RETREG2: variants seen among roughly 807,000 people sequenced by gnomAD.
The protein encoded by RETREG2 is reticulophagy regulator family member 2.
In RETREG2, 21 loss-of-function variants were observed where a neutral mutation model predicts 51.6. That is an observed-to-expected ratio of 0.41 (90% CI 0.29 to 0.59). RETREG2 has a LOEUF of 0.59. Ranked by LOEUF, RETREG2 falls within the 20% of genes least tolerant of loss-of-function variation. RETREG2 has a pLI of 0.34. For synonymous variants in RETREG2, 339 were observed against 288.6 expected (o/e 1.17, Z -1.77); for missense variants, 674 against 646.0 (o/e 1.04, Z -0.47).
At chr2:219,179,640 G>A (rs894443476) in intron 2 of RETREG2, 93 bp from the exon 3 acceptor site, 12 of 1,233,840 alleles carry the variant, frequency 9.7e-6, no homozygotes, top group African/African-American at 1.5e-5. Context: ...AAGGTGCTCT[G>A]GGGCTGCAGA....
intron 2 of RETREG2, 27 bp downstream of exon 2, chr2:219,179,055 C>A (rs770772129): frequency 1.3e-6 from 2 of 1,529,736 alleles, no homozygotes; most frequent in Admixed American, 1.7e-5. Context: ...TCAGTAAGCA[C>A]CCATTGGGTA....
rs1179772791 is a variant in RETREG2, at chr2:219,184,230, G to A, written c.*1601G>A. The A allele has an allele frequency of 2.0e-5, 3 of 152,178 alleles. No individual in the cohort carries two copies. Among genetic ancestry groups the A allele is most frequent in the Non-Finnish European group, 4.4e-5 (3 of 68,044 alleles). 9.4% of individuals were successfully genotyped at this position (152,178 alleles called of 1,614,324 possible). ...GGGAACTATAGAGAACCAATCTGAT[G>A]CCTTGGCTTAACAAAGAGTGGACAT... On this transcript the variant is annotated 3_prime_UTR_variant, in exon 9 of 9. Transcript: ENST00000430297.
Position 219,182,565 on chromosome 2 carries a change from TG to T in RETREG2, c.1572del (p.Asp526ThrfsTer35). 6.2e-7 allele frequency: 1 copy of T among 1,614,158 alleles called. No homozygotes were observed. Among genetic ancestry groups the T allele is most frequent in the South Asian group, 1.1e-5 (1 of 91,082 alleles). On this transcript the variant is annotated frameshift_variant, in exon 9 of 9. Coordinates refer to ENST00000430297, the MANE Select transcript of RETREG2 (RefSeq NM_024293.6). LOFTEE classifies it high-confidence loss of function. ...TPPKPPDAPP[L>X]GPDIHSLVQS... ...CCAAAACCCCCTGATGCTCCACCCC[TG>T]GGGCCCGACATCCATTCTCTGGTAC...
In RETREG2 at chr2:219,181,733, G is replaced by A. The variant is rs1308734159; in HGVS notation, c.973G>A (p.Val325Ile). The A allele has an allele frequency of 1.2e-5, 20 of 1,613,854 alleles. No homozygotes were observed. Among genetic ancestry groups the A allele is most frequent in the African/African-American group, 2.7e-5 (2 of 74,884 alleles). Residue 325 changes from valine to isoleucine, a missense_variant, in exon 8 of 9, where the codon GTA (valine) becomes ATA (isoleucine). Transcript: ENST00000430297. The part of the protein sequence containing the change: ...ASILESGGFS[V>I]SRATTPQLTD... ...TATCTTGGAGAGTGGTGGCTTCTCC[G>A]TATCCCGGGCCACAACTCCGCAGCT...
chr2:219,181,605 C>G (rs769241281), intron 7 of RETREG2, 35 bp from the exon 8 acceptor site: 2 of 1,611,106 alleles, frequency 1.2e-6, no homozygotes, highest in South Asian at 1.1e-5. Context: ...CTCTTATCCC[C>G]TCACATGTCG....
chr2:219,181,456 C>T lies in RETREG2; in HGVS notation c.872C>T (p.Ser291Phe), dbSNP rs1950277836. 6.2e-7 allele frequency: 1 copy of T among 1,613,896 alleles called. No individual in the cohort carries two copies. The highest frequency in any genetic ancestry group is 1.7e-5 in the Admixed American group (1 of 59,990). ...SESEAELAGF[S>F]PVVDVKKTAL... ...AGCGAGGCAGAGCTGGCTGGCTTCTCCCCAGTGGTGAGGTCCAGGGAAAGC... is the reference window on the plus strand; with the variant it reads ...AGCGAGGCAGAGCTGGCTGGCTTCTTCCCAGTGGTGAGGTCCAGGGAAAGC... The change falls in exon 7 of 9, where the codon TCC becomes TTC. Residue 291 changes from serine to phenylalanine, a missense_variant. By Grantham distance (155) the Ser-to-Phe change is radical. Transcript: ENST00000430297.
chr2:219,180,918 G>A (rs1395011939), intron 5 of RETREG2, 144 bp from the exon 6 acceptor site: 2 of 1,330,984 alleles, frequency 1.5e-6, no homozygotes, highest in East Asian at 2.3e-5. Context: ...TGGGGAGGAG[G>A]GCAGTGGATG....
Position 219,182,245 on chromosome 2 carries a change from G to C in RETREG2, c.1248G>C (p.Gly416=). The C allele has an allele frequency of 6.2e-7, 1 of 1,614,120 alleles. No homozygotes were observed. Among genetic ancestry groups the C allele is most frequent in the Non-Finnish European group, 8.5e-7 (1 of 1,180,020 alleles). The change falls in exon 9 of 9, where the codon GGG becomes GGC. Residue 416 remains glycine, a synonymous_variant. Transcript: ENST00000430297. ...HFVNTHFNGA[G]SPPDGVKCSP... Reference sequence around the variant, plus strand: ...TGAACACGCACTTCAATGGGGCAGGGTCCCCCCCAGATGGAGTGAAATGCT... The same window carrying C: ...TGAACACGCACTTCAATGGGGCAGGCTCCCCCCCAGATGGAGTGAAATGCT...
Position 219,179,772 on chromosome 2 carries a change from A to G in RETREG2, c.419+9A>G. On this transcript the variant is annotated intron_variant, in intron 3 of 8. Coordinates refer to ENST00000430297, the MANE Select transcript of RETREG2 (RefSeq NM_024293.6). ...GAGCCACACTCTGACAGGTGAGTACAGGCCACCTCTTGAAGACAAATGCCC... is the reference window on the plus strand; with the variant it reads ...GAGCCACACTCTGACAGGTGAGTACGGGCCACCTCTTGAAGACAAATGCCC... The G allele has an allele frequency of 1.2e-6, 2 of 1,613,666 alleles. No individual in the cohort carries two copies. The highest frequency in any genetic ancestry group is 1.7e-6 in the Non-Finnish European group (2 of 1,179,586).
rs1232932666 is a variant in RETREG2, at chr2:219,180,170, C to T, written c.480C>T (p.Tyr160=). 2 of 1,614,166 alleles carry T rather than the reference C, an allele frequency of 1.2e-6. No individual in the cohort carries two copies. The highest frequency in any genetic ancestry group is 1.7e-6 in the Non-Finnish European group (2 of 1,180,026). ...HLLSVPELCR[Y]LAESWLTFQI... is the part of the protein sequence containing the mutation. ...TGAGTGTGCCCGAGTTGTGCAGATA[C>T]CTGGCTGAGAGCTGGCTCACCTTCC... The change falls in exon 4 of 9, where the codon TAC becomes TAT. Residue 160 remains tyrosine (Y), a synonymous_variant. Coordinates refer to ENST00000430297, the MANE Select transcript of RETREG2 (RefSeq NM_024293.6).
intron 5 of RETREG2, 58 bp downstream of exon 5, chr2:219,180,812 C>T (rs1950268118): frequency 1.3e-6 from 2 of 1,577,806 alleles, no homozygotes; most frequent in East Asian, 4.5e-5. Context: ...TTTCCTTGGA[C>T]TGACCCAGAG....
intron 2 of RETREG2, 56 bp downstream of exon 2, chr2:219,179,084 C>T (rs1950236387): frequency 7.5e-7 from 1 of 1,332,752 alleles, no homozygotes; most frequent in African/African-American, 1.4e-5. Context: ...GTGCCTGATT[C>T]CGCTGGGTGG....
rs1348898149 is a variant in RETREG2 at position 219,179,029 on chromosome 2, G to A, written c.388+1G>A. The stretch of plus-strand genomic sequence containing the variant: ...CCTCGCTTTCTCCCTGACGTTTCAG[G>A]TGAGTGTTTCTTCATTCAGTAAGCA... On this transcript the variant is annotated splice_donor_variant, in intron 2 of 8. Coordinates refer to ENST00000430297, the MANE Select transcript of RETREG2 (RefSeq NM_024293.6). LOFTEE classifies it high-confidence loss of function. 6.2e-7 allele frequency: 1 copy of A among 1,604,626 alleles called. No individual in the cohort carries two copies. Among genetic ancestry groups the A allele is most frequent in the Non-Finnish European group, 8.5e-7 (1 of 1,171,648 alleles).
chr2:219,181,552 A>G, intron 7 of RETREG2, 88 bp from the exon 8 acceptor site: 1 of 1,600,484 alleles, frequency 6.2e-7, no homozygotes. Flanking sequence ...AGGAGGTGGA[A>G]GCCAGAGGTT....
rs1273254045 is a variant in RETREG2, at chr2:219,179,781, C to T, written c.419+18C>T. The T allele has an allele frequency of 1.9e-6, 3 of 1,612,688 alleles. No homozygotes were observed. The highest frequency in any genetic ancestry group is 3.3e-5 in the Admixed American group (2 of 60,028). ...TCTGACAGGTGAGTACAGGCCACCTCTTGAAGACAAATGCCCACATCCTGT... is the reference window on the plus strand; with the variant it reads ...TCTGACAGGTGAGTACAGGCCACCTTTTGAAGACAAATGCCCACATCCTGT... On this transcript the variant is annotated intron_variant, in intron 3 of 8. Transcript: ENST00000430297.
At chr2:219,178,888 C>T in intron 1 of RETREG2, 34 bp from the exon 2 acceptor site, 1 of 1,474,082 alleles carries the variant, frequency 6.8e-7, no homozygotes, top group Non-Finnish European at 9.4e-7. Flanking sequence ...CCTGTCTCAC[C>T]CACTCACTGC....
rs772428043 is a variant in RETREG2, at chr2:219,180,098, A to G, written c.420-12A>G. 3.7e-6 allele frequency: 6 copies of G among 1,613,830 alleles called. No homozygotes were observed. Among genetic ancestry groups the G allele is most frequent in the Non-Finnish European group, 5.1e-6 (6 of 1,179,930 alleles). On this transcript the variant is annotated splice_polypyrimidine_tract_variant and intron_variant, in intron 3 of 8. Coordinates refer to ENST00000430297, the MANE Select transcript of RETREG2 (RefSeq NM_024293.6). ...ATCTGAGGCCTCCAGGGGTCATGTCATGTCTCCCCAGTGAGGGTGCGGGGT... is the reference window on the plus strand; with the variant it reads ...ATCTGAGGCCTCCAGGGGTCATGTCGTGTCTCCCCAGTGAGGGTGCGGGGT...
chr2:219,182,917 C>T lies in RETREG2; in HGVS notation c.*288C>T, dbSNP rs1950303745. The T allele has an allele frequency of 2.2e-6, 1 of 456,412 alleles. No individual in the cohort carries two copies. Among genetic ancestry groups the T allele is most frequent in the Non-Finnish European group, 4.0e-6 (1 of 249,348 alleles). 28.3% of individuals were successfully genotyped at this position (456,412 alleles called of 1,614,324 possible). On this transcript the variant is annotated 3_prime_UTR_variant, in exon 9 of 9. Transcript: ENST00000430297. ...ACAGCCTGCGCTTGCCTCCCTGCCT[C>T]ATCTCTATTCTCATTCCACTATGCC...
Position 219,182,450 on chromosome 2 carries a change from G to A in RETREG2, c.1453G>A (p.Glu485Lys). ...PQPLPAPEEEEALTTEDFELL... is the reference protein window; with the variant it reads ...PQPLPAPEEEKALTTEDFELL... ...GCCCCTGCCTGCCCCTGAGGAAGAA[G>A]AGGCACTCACCACTGAGGACTTTGA... is the stretch of plus-strand genomic sequence containing the variant. Residue 485 changes from glutamate to lysine, a missense_variant, in exon 9 of 9, where the codon GAG becomes AAG. By Grantham distance (56) the Glu-to-Lys change is moderately conservative. Transcript: ENST00000430297. 6.2e-7 allele frequency: 1 copy of A among 1,613,844 alleles called. No individual in the cohort carries two copies. The highest frequency in any genetic ancestry group is 8.5e-7 in the Non-Finnish European group (1 of 1,179,946).
Sources: allele counts gnomAD v4.1 joint callset, GRCh38; gene constraint gnomAD v4.1.1; transcripts MANE v1.5; gene names NCBI Gene and HGNC (gene_info 2026-07-23, HGNC 2026-07-21).